Variants in IRGM observed in about 807,000 individuals in gnomAD.
IRGM encodes the protein immunity-related GTPase family M protein.
For missense variants in IRGM, 288 were observed against 219.9 expected, an observed-to-expected ratio of 1.31 and a Z score of -1.96; for synonymous variants, 98 against 80.6, an observed-to-expected ratio of 1.22 and a Z score of -1.16.
chr5:150,853,379 T>G (rs778296552), downstream of IRGM, among the ~76,000 whole-genome samples: 3 of 152,140 alleles, frequency 2.0e-5, no homozygotes, highest in Non-Finnish European at 4.4e-5. Context: ...ACATATTCAC[T>G]TAAGAAAAAA....
At chr5:150,895,778 A>G in intron 3 of IRGM, 1 of 1,613,554 alleles carries the variant, frequency 6.2e-7, no homozygotes, top group South Asian at 1.1e-5. Context: ...TTTCTCCAGT[A>G]TGTGTTCTCT....
At chr5:150,896,283 T>A (rs1407193354) in intron 3 of IRGM, 1 of 1,613,698 alleles carries the variant, frequency 6.2e-7, no homozygotes, top group Admixed American at 1.7e-5. Context: ...CTCCCCAGTA[T>A]GAGTTCTCTG....
At chr5:150,873,028 A>C (rs1368478790) in intron 1 of IRGM, among the ~76,000 whole-genome samples, 1 of 152,224 alleles carries the variant, frequency 6.6e-6, no homozygotes, top group Non-Finnish European at 1.5e-5. Flanking sequence ...TTTAAATGCA[A>C]TGGGAATAAT....
intron 3 of IRGM, chr5:150,895,672 A>T (rs750554027): frequency 6.2e-7 from 1 of 1,613,304 alleles, no homozygotes; most frequent in African/African-American, 1.3e-5. Context: ...CATTCAGTAC[A>T]TATATAAGGT....
chr5:150,863,441 A>G (rs1453481180), intron 1 of IRGM, among the ~76,000 whole-genome samples: 1 of 152,220 alleles, frequency 6.6e-6, no homozygotes, highest in Non-Finnish European at 1.5e-5. Flanking sequence ...AGATTTGTAT[A>G]TAAAATAAGT....
intron 1 of IRGM, among the ~76,000 whole-genome samples, chr5:150,860,680 C>A (rs143886530): frequency 6.6e-6 from 1 of 152,222 alleles, no homozygotes; most frequent in Non-Finnish European, 1.5e-5. Flanking sequence ...TGCTGCTCCC[C>A]AGGCTGTGGC....
downstream of IRGM, among the ~76,000 whole-genome samples, chr5:150,901,321 C>T (rs1216311302): frequency 6.6e-6 from 1 of 151,960 alleles, no homozygotes; most frequent in Admixed American, 6.6e-5. Flanking sequence ...ACATTTATTC[C>T]CATATATTAC....
At chr5:150,886,970 T>C (rs1754535159) in intron 3 of IRGM, among the ~76,000 whole-genome samples, 1 of 152,062 alleles carries the variant, frequency 6.6e-6, no homozygotes, top group Non-Finnish European at 1.5e-5. Flanking sequence ...TGTTCTTGCT[T>C]CTCTAATTTT....
intron 1 of IRGM, among the ~76,000 whole-genome samples, chr5:150,865,744 TTCA>T (rs1475073182): frequency 6.6e-6 from 1 of 152,184 alleles, no homozygotes; most frequent in African/African-American, 2.4e-5. Flanking sequence ...GAAAATATTC[TTCA>T]TTATCAGAAA....
At position 150,848,696 on chromosome 5, in the gene IRGM, T is replaced by A. The variant is rs1175901030; in HGVS notation, c.*27T>A. The A allele has an allele frequency of 1.5e-5, 22 of 1,425,420 alleles. No homozygotes were observed. Among genetic ancestry groups the A allele is most frequent in the Non-Finnish European group, 2.0e-5 (21 of 1,054,954 alleles). The allele number at this position is 1,425,420 out of a possible 1,614,324, so 88.3% of individuals were successfully genotyped here. ...TCCTGTCTTCATTAAACATTTTCCA[T>A]CTCCTCCTATTGATTCCTTTTCTCC... On this transcript the variant is annotated 3_prime_UTR_variant, in exon 2 of 2. Coordinates refer to ENST00000522154, the MANE Select transcript of IRGM (RefSeq NM_001145805.2).
chr5:150,883,574 A>T (rs955229779), intron 3 of IRGM, among the ~76,000 whole-genome samples: 3 of 151,938 alleles, frequency 2.0e-5, no homozygotes. Context: ...ATTACATTAC[A>T]ATTGAAATAC....
intron 3 of IRGM, among the ~76,000 whole-genome samples, chr5:150,886,905 C>T (rs1754533327): frequency 6.6e-6 from 1 of 151,848 alleles, no homozygotes; most frequent in Non-Finnish European, 1.5e-5. Flanking sequence ...TGATTTCCTT[C>T]AGTTCAGCTC....
intron 3 of IRGM, among the ~76,000 whole-genome samples, chr5:150,881,235 CAAAAGTT>C (rs1452521600): frequency 6.6e-6 from 1 of 151,610 alleles, no homozygotes; most frequent in African/African-American, 2.4e-5. Context: ...ATCAAACTGT[CAAAAGTT>C]AAAGAGAATT....
rs1042173982 is a variant in IRGM, at chr5:150,887,828, G to A, written c.*140+8182G>A. The stretch of plus-strand genomic sequence containing the variant: ...TGAAAGGAGTGCTAACTATAGAAAG[G>A]AAAGACTCCTACCAGCTAATACCAA... On this transcript the variant is annotated intron_variant and NMD_transcript_variant, in intron 3 of 3. Coordinates refer to the IRGM transcript ENST00000520549. Among the ~76,000 whole-genome samples, 145 of 151,876 alleles carry A rather than the reference G, an allele frequency of 9.5e-4. 4 individuals carry two copies. The highest frequency in any genetic ancestry group is 2.2e-4 in the Non-Finnish European group (15 of 67,906).
At chr5:150,869,067 T>G (rs1754246088) in intron 1 of IRGM, among the ~76,000 whole-genome samples, 1 of 152,200 alleles carries the variant, frequency 6.6e-6, no homozygotes, top group African/African-American at 2.4e-5. Flanking sequence ...GTTCCAGTTC[T>G]CAGGGGGAAT....
At chr5:150,887,616 A>G (rs1033346244) in intron 3 of IRGM, among the ~76,000 whole-genome samples, 1 of 151,304 alleles carries the variant, frequency 6.6e-6, no homozygotes, top group African/African-American at 2.4e-5. Flanking sequence ...GAAGAAGATC[A>G]TCACCAAGAC....
intron 3 of IRGM, chr5:150,895,161 A>T (rs1754709194): frequency 3.0e-6 from 1 of 338,030 alleles, no homozygotes; most frequent in East Asian, 4.6e-5. Context: ...GCAACTTGAC[A>T]ATATTCTGTA....
downstream of IRGM, among the ~76,000 whole-genome samples, chr5:150,901,788 A>G (rs916329832): frequency 1.3e-5 from 2 of 152,116 alleles, no homozygotes; most frequent in Non-Finnish European, 2.9e-5. Flanking sequence ...ATCCCAGGCA[A>G]CCAGGCCACA....
intron 1 of IRGM, among the ~76,000 whole-genome samples, chr5:150,858,261 C>A (rs1277842014): frequency 1.3e-5 from 2 of 152,010 alleles, no homozygotes; most frequent in African/African-American, 4.8e-5. Flanking sequence ...TTTCTGAGGG[C>A]TCTGTTCTGT....
Sources: gnomAD v4.1 joint callset for allele counts (sites outside exome capture counted in the v4.1 genomes callset) on GRCh38, gnomAD v4.1.1 for gene constraint, MANE v1.5 for transcripts, NCBI Gene and HGNC (gene_info 2026-07-23, HGNC 2026-07-21) for gene names.